The following COL28A1 variants were observed in gnomAD, a reference collection of about 807,000 sequenced individuals.
COL28A1 encodes collagen type XXVIII alpha 1 chain, also known as collagen alpha-1(XXVIII) chain.
In COL28A1, 161 loss-of-function variants were observed where a neutral mutation model predicts 150.2. That is an observed-to-expected ratio of 1.07 (90% CI 0.94 to 1.22). The LOEUF is 1.22. Among genes scored for constraint, COL28A1 ranks in the 50% most tolerant of loss-of-function variants. COL28A1 has a pLI of 0.00. For synonymous variants in COL28A1, 552 were observed against 469.7 expected, an observed-to-expected ratio of 1.18 and a Z score of -2.26; for missense variants, 1,617 against 1,388.3, an observed-to-expected ratio of 1.16 and a Z score of -2.62.
At chr7:7,462,861 CAA>C (rs3040227) in intron 15 of COL28A1, among the ~76,000 whole-genome samples, 26,878 of 113,732 alleles carry the variant, frequency 0.24, 3,202 homozygotes, top group African/African-American at 0.38. Context: ...AACTCCATCT[CAA>C]AAAAAAAAAA....
the COL28A1 span, among the ~76,000 whole-genome samples, chr7:7,339,368 T>G: frequency 6.6e-6 from 1 of 152,182 alleles, no homozygotes; most frequent in African/African-American, 2.4e-5. Context: ...CTAAGGTCTC[T>G]GTATCTGTCC....
chr7:7,486,839 A>G lies in COL28A1; in HGVS notation c.1164+2550T>C, dbSNP rs1405718061. On this transcript the variant is annotated intron_variant, in intron 13 of 34. Transcript: ENST00000399429. ...TTTTTATATATTGCTGAATTCTATT[A>G]GCTAGCATGTTGTTAAGAATTTTTA... Among the ~76,000 whole-genome samples the G allele has an allele frequency of 5.5e-4, 83 of 152,168 alleles. 2 individuals carry two copies. The highest frequency in any genetic ancestry group is 5.4e-3 in the Admixed American group (83 of 15,280).
At chr7:7,541,172 G>A in the COL28A1 span, among the ~76,000 whole-genome samples, 1 of 152,088 alleles carries the variant, frequency 6.6e-6, no homozygotes, top group South Asian at 2.1e-4. Context: ...TAAGGTAATA[G>A]GGTCATCTGT....
At chr7:7,516,887 C>G (rs575886194) in intron 7 of COL28A1, among the ~76,000 whole-genome samples, 46 of 152,130 alleles carry the variant, frequency 3.0e-4, no homozygotes, top group African/African-American at 1.1e-3. Flanking sequence ...AGTCACTGTG[C>G]CTGGCCTGAC....
At chr7:7,456,966 GA>G (rs1414169038) in intron 15 of COL28A1, among the ~76,000 whole-genome samples, 1 of 152,222 alleles carries the variant, frequency 6.6e-6, no homozygotes, top group East Asian at 1.9e-4. Context: ...TAGAAACCCA[GA>G]AGAAAAGCAT....
upstream of COL28A1, among the ~76,000 whole-genome samples, chr7:7,539,798 G>C (rs569001607): frequency 2.6e-5 from 4 of 152,160 alleles, no homozygotes; most frequent in South Asian, 8.3e-4. Context: ...GTTTAGAGCA[G>C]TTTCGGGGTA....
chr7:7,434,895 A>G (rs1785232562), intron 23 of COL28A1, among the ~76,000 whole-genome samples: 1 of 152,184 alleles, frequency 6.6e-6, no homozygotes. Context: ...ATGGAAACCT[A>G]GTATTTTGAA....
chr7:7,388,170 A>G (rs7786335), intron 27 of COL28A1, among the ~76,000 whole-genome samples: 93,021 of 150,348 alleles, frequency 0.62, 29,568 homozygotes, highest in South Asian at 0.71. Context: ...CTAGCCCCCC[A>G]CCCCATGACA....
At chr7:7,461,000 T>C (rs1259968594) in intron 15 of COL28A1, among the ~76,000 whole-genome samples, 1 of 152,170 alleles carries the variant, frequency 6.6e-6, no homozygotes, top group East Asian at 1.9e-4. Flanking sequence ...CAGGAATACA[T>C]TTGGAAAGCC....
chr7:7,381,708 T>G, intron 27 of COL28A1, 96 bp from the exon 28 acceptor site: 1 of 767,690 alleles, frequency 1.3e-6, no homozygotes, highest in Non-Finnish European at 2.3e-6. Context: ...AAAACTGCAT[T>G]ATAGTATTAT....
At chr7:7,505,484 T>G (rs950301822) in intron 11 of COL28A1, among the ~76,000 whole-genome samples, 3 of 152,212 alleles carry the variant, frequency 2.0e-5, no homozygotes, top group African/African-American at 7.2e-5. Flanking sequence ...CTTTTTGTTC[T>G]GCGTGGCTTG....
upstream of COL28A1, among the ~76,000 whole-genome samples, chr7:7,540,736 G>C (rs1324494045): frequency 6.6e-6 from 1 of 152,098 alleles, no homozygotes; most frequent in African/African-American, 2.4e-5. Flanking sequence ...AATCATCATG[G>C]GCTAAGTCCC....
intron 1 of COL28A1, among the ~76,000 whole-genome samples, chr7:7,535,295 AT>A (rs1782583414): frequency 6.6e-6 from 1 of 152,150 alleles, no homozygotes; most frequent in South Asian, 2.1e-4. Context: ...ATTTTTTATA[AT>A]TTTTCAAAAA....
intron 1 of COL28A1, among the ~76,000 whole-genome samples, chr7:7,534,330 C>A (rs908621339): frequency 1.3e-5 from 2 of 152,094 alleles, no homozygotes; most frequent in African/African-American, 4.8e-5. Flanking sequence ...GCTAAGGAAA[C>A]AGAACACACA....
chr7:7,378,278 C>T (rs1004723013), intron 30 of COL28A1, among the ~76,000 whole-genome samples: 3 of 152,126 alleles, frequency 2.0e-5, no homozygotes, highest in African/African-American at 4.8e-5. Flanking sequence ...TAAACACATT[C>T]TTTCTGCTTA....
At chr7:7,541,060 C>T in the COL28A1 span, among the ~76,000 whole-genome samples, 1 of 152,168 alleles carries the variant, frequency 6.6e-6, no homozygotes, top group Non-Finnish European at 1.5e-5. Flanking sequence ...AATAACTCTT[C>T]TAAATTTCTG....
intron 25 of COL28A1, among the ~76,000 whole-genome samples, chr7:7,430,407 A>G (rs1205102891): frequency 6.6e-6 from 1 of 152,170 alleles, no homozygotes. Context: ...AATTACAGGC[A>G]TGAGCCACCA....
intron 7 of COL28A1, 65 bp downstream of exon 7, chr7:7,517,731 G>T (rs1215619653): frequency 1.2e-6 from 2 of 1,610,402 alleles, no homozygotes; most frequent in South Asian, 1.1e-5. Context: ...GGGTCAAAAT[G>T]GTCAACCACA....
chr7:7,474,696 T>C (rs752356870), intron 14 of COL28A1, 27 bp from the exon 15 acceptor site: 6 of 963,064 alleles, frequency 6.2e-6, no homozygotes, highest in Middle Eastern at 2.1e-4. Flanking sequence ...GGGATATCAA[T>C]GCACCAACCA....
Sources: gnomAD v4.1 joint callset for allele counts (sites outside exome capture counted in the v4.1 genomes callset) on GRCh38, gnomAD v4.1.1 for gene constraint, MANE v1.5 for transcripts, NCBI Gene and HGNC (gene_info 2026-07-23, HGNC 2026-07-21) for gene names.